Variants in ADGRL2 observed in about 807,000 individuals in gnomAD.
ADGRL2 encodes adhesion G protein-coupled receptor L2, also known as calcium-independent alpha-latrotoxin receptor 2.
ADGRL2 carries 44 observed loss-of-function variants against 157.4 expected under a neutral mutation model. The ratio of observed to expected loss-of-function variants is 0.28; its 90% CI spans 0.22 to 0.36. ADGRL2 has a LOEUF of 0.36. Ranked by LOEUF, ADGRL2 falls within the 10% of genes least tolerant of loss-of-function variation. The pLI, the probability that ADGRL2 is intolerant of heterozygous loss-of-function variation, is 1.00. For synonymous variants in ADGRL2, 585 were observed against 624.7 expected, an observed-to-expected ratio of 0.94 and a Z score of 0.95; for missense variants, 1,510 against 1,768.9, an observed-to-expected ratio of 0.85 and a Z score of 2.63.
chr1:81,475,226 A>ACAC (rs2078248559), intron 2 of ADGRL2, among the ~76,000 whole-genome samples: 1 of 152,208 alleles, frequency 6.6e-6, no homozygotes, highest in Non-Finnish European at 1.5e-5. Context: ...ACTCATGGGC[A>ACAC]TAAGTCATTA....
intron 2 of ADGRL2, among the ~76,000 whole-genome samples, chr1:81,869,231 CT>C (rs1178332879): frequency 2.0e-5 from 3 of 151,800 alleles, no homozygotes; most frequent in South Asian, 2.1e-4. Flanking sequence ...TTTTCGAGGT[CT>C]TTTTTTTCTT....
At chr1:81,662,138 C>T (rs1178997660) in intron 3 of ADGRL2, among the ~76,000 whole-genome samples, 5 of 151,944 alleles carry the variant, frequency 3.3e-5, no homozygotes, top group Admixed American at 3.3e-4. Context: ...AGCATTTATC[C>T]TTCGAGTTAC....
rs776563980 is a variant in ADGRL2 at position 81,969,291 on chromosome 1, A to G, written c.2637A>G (p.Leu879=). The G allele has an allele frequency of 1.9e-6, 3 of 1,613,956 alleles. No individual in the cohort carries two copies. The highest frequency in any genetic ancestry group is 2.5e-6 in the Non-Finnish European group (3 of 1,179,876). Residue 879 remains leucine (L), a synonymous_variant, in exon 15 of 24, where the codon CTA becomes CTG. Transcript: ENST00000686636. ...TCACCTTCTGCTTTTTCCGTGGCCTACAGAGTGACCGAAATACTATTCACA... is the reference window on the plus strand; with the variant it reads ...TCACCTTCTGCTTTTTCCGTGGCCTGCAGAGTGACCGAAATACTATTCACA... ...CIFTFCFFRG[L]QSDRNTIHKN... is the part of the protein sequence containing the mutation.
intron 3 of ADGRL2, among the ~76,000 whole-genome samples, chr1:81,663,495 C>A (rs1182309593): frequency 6.6e-6 from 1 of 152,146 alleles, no homozygotes; most frequent in Non-Finnish European, 1.5e-5. Context: ...GCCTTTTCTC[C>A]TGTTAGTCTT....
At position 81,487,487 on chromosome 1, in the gene ADGRL2, A is replaced by C. The variant is rs144347052; in HGVS notation, c.-248+42398A>C. Among the ~76,000 whole-genome samples the C allele has an allele frequency of 2.2e-3, 342 of 152,230 alleles. 1 individual carries two copies. Among genetic ancestry groups the C allele is most frequent in the African/African-American group, 8.0e-3 (333 of 41,534 alleles). On this transcript the variant is annotated intron_variant, in intron 2 of 24. Coordinates refer to the ADGRL2 transcript ENST00000370721. ...TGGTGAAACCACGTCTCTACTAAAA[A>C]TACAAAAATTAGTTGGGTGTGATGG...
intron 3 of ADGRL2, among the ~76,000 whole-genome samples, chr1:81,682,677 C>A (rs754474055): frequency 6.6e-6 from 1 of 152,102 alleles, no homozygotes; most frequent in Admixed American, 6.6e-5. Context: ...TGTGTGATAA[C>A]GCTATATAGG....
intron 3 of ADGRL2, among the ~76,000 whole-genome samples, chr1:81,655,066 A>G (rs1384540029): frequency 6.6e-6 from 1 of 152,152 alleles, no homozygotes; most frequent in Non-Finnish European, 1.5e-5. Flanking sequence ...CCCCCCTGCG[A>G]TGGGGGTCCT....
chr1:81,777,441 AAAG>A (rs1242291833), intron 2 of ADGRL2, among the ~76,000 whole-genome samples: 1 of 152,212 alleles, frequency 6.6e-6, no homozygotes, highest in East Asian at 1.9e-4. Flanking sequence ...ATTCCAACCA[AAAG>A]ATGTATTTTT....
Position 81,991,757 on chromosome 1 carries a change from A to G in ADGRL2, c.*612A>G, listed in dbSNP as rs1176646069. ...TGAACTATTCTCATGAAAAATGGCT[A>G]AAGAAATTATATTTTGTTCTATTGC... is the stretch of plus-strand genomic sequence containing the variant. On this transcript the variant is annotated 3_prime_UTR_variant, in exon 24 of 24. Coordinates refer to ENST00000686636, the MANE Select transcript of ADGRL2 (RefSeq NM_001366006.2). The G allele has an allele frequency of 6.5e-6, 1 of 152,686 alleles. No individual in the cohort carries two copies. Among genetic ancestry groups the G allele is most frequent in the Non-Finnish European group, 1.5e-5 (1 of 68,056 alleles). 9.5% of individuals were successfully genotyped at this position (152,686 alleles called of 1,614,324 possible).
chr1:81,505,340 T>C (rs1024760789), intron 2 of ADGRL2, among the ~76,000 whole-genome samples: 1 of 151,052 alleles, frequency 6.6e-6, no homozygotes. Context: ...CTGGGCCCAT[T>C]TGAAGGTGTC....
Position 81,950,403 on chromosome 1 carries a change from A to C in ADGRL2, c.1425A>C (p.Ala475=). Residue 475 remains alanine, a synonymous_variant, in exon 7 of 24, where the codon GCA becomes GCC. Transcript: ENST00000686636. The part of the protein sequence containing the change: ...IFPLPERFCE[A]LDSKGIKWPQ... ...CCCTGCCAGAGAGATTCTGTGAAGCATTAGACTCCAAGGGGATAAAGTGGC... is the reference window on the plus strand; with the variant it reads ...CCCTGCCAGAGAGATTCTGTGAAGCCTTAGACTCCAAGGGGATAAAGTGGC... 1 of 1,614,100 alleles carries C rather than the reference A, an allele frequency of 6.2e-7. No individual in the cohort carries two copies. Among genetic ancestry groups the C allele is most frequent in the Non-Finnish European group, 8.5e-7 (1 of 1,179,938 alleles).
At chr1:81,769,043 A>G (rs1302584614) in intron 2 of ADGRL2, among the ~76,000 whole-genome samples, 2 of 152,108 alleles carry the variant, frequency 1.3e-5, no homozygotes, top group Non-Finnish European at 2.9e-5. Flanking sequence ...AGATCGCGGC[A>G]CTGCACTGCA....
chr1:81,617,675 G>C (rs1424229892), intron 3 of ADGRL2, among the ~76,000 whole-genome samples: 1 of 152,244 alleles, frequency 6.6e-6, no homozygotes, highest in Admixed American at 6.5e-5. Flanking sequence ...TTCGGGAACA[G>C]AGTTGGCTTC....
intron 3 of ADGRL2, among the ~76,000 whole-genome samples, chr1:81,660,366 A>C (rs74463119): frequency 0.047 from 7,078 of 152,068 alleles, 176 homozygotes; most frequent in East Asian, 0.064. Flanking sequence ...TTTGTGACCC[A>C]AGACAACTCA....
intron 1 of ADGRL2, among the ~76,000 whole-genome samples, chr1:81,443,543 TG>T (rs2077547103): frequency 6.6e-6 from 1 of 152,226 alleles, no homozygotes; most frequent in African/African-American, 2.4e-5. Context: ...TTTCTATTGC[TG>T]GTTTGAGACC....
At chr1:81,661,469 A>C (rs1321122439) in intron 3 of ADGRL2, among the ~76,000 whole-genome samples, 2 of 152,214 alleles carry the variant, frequency 1.3e-5, no homozygotes, top group Non-Finnish European at 1.5e-5. Context: ...CCATGGAAAA[A>C]GCATCTAAAT....
intron 2 of ADGRL2, chr1:81,506,314 A>C (rs2078974727): frequency 6.6e-6 from 1 of 152,292 alleles, no homozygotes; most frequent in Non-Finnish European, 1.5e-5. Flanking sequence ...ATTTCCCAAA[A>C]TGTGTCCTGA....
chr1:81,322,754 C>T (rs765165745), intron 1 of ADGRL2, among the ~76,000 whole-genome samples: 65 of 151,910 alleles, frequency 4.3e-4, no homozygotes, highest in Non-Finnish European at 7.9e-4. Flanking sequence ...CCATGTCATA[C>T]GGGGAACAGT....
intron 3 of ADGRL2, among the ~76,000 whole-genome samples, chr1:81,582,069 A>T (rs1325798370): frequency 6.6e-6 from 1 of 151,818 alleles, no homozygotes; most frequent in Non-Finnish European, 1.5e-5. Context: ...AAAAATACAA[A>T]ATTAGCCAGG....
Sources: allele counts gnomAD v4.1 joint callset (sites outside exome capture counted in the v4.1 genomes callset), GRCh38; gene constraint gnomAD v4.1.1; transcripts MANE v1.5; gene names NCBI Gene and HGNC (gene_info 2026-07-23, HGNC 2026-07-21).